UBE2G1: variants seen among roughly 807,000 people sequenced by gnomAD.
UBE2G1 encodes ubiquitin-conjugating enzyme E2 G1.
In UBE2G1, 5 loss-of-function variants were observed where a neutral mutation model predicts 22.7. The observed-to-expected ratio is 0.22, with a 90% CI of 0.12 to 0.46. UBE2G1 has a LOEUF of 0.46. Ranked by LOEUF, UBE2G1 falls within the 20% of genes least tolerant of loss-of-function variation. The probability of loss-of-function intolerance (pLI) is 0.99; values close to 1 mark genes in which losing one functional copy is unlikely to be tolerated. For missense variants in UBE2G1, 88 were observed against 203.9 expected (o/e 0.43, Z 3.46); for synonymous variants, 74 against 67.5 (o/e 1.10, Z -0.47).
intron 1 of UBE2G1, among the ~76,000 whole-genome samples, chr17:4,321,382 T>C (rs1435770751): frequency 6.6e-6 from 1 of 152,032 alleles, no homozygotes; most frequent in African/African-American, 2.4e-5. Context: ...CTTCTGCCAC[T>C]GGCAATTTAT....
intron 3 of UBE2G1, among the ~76,000 whole-genome samples, chr17:4,294,596 T>A (rs1276632545): frequency 6.6e-6 from 1 of 152,178 alleles, no homozygotes; most frequent in Non-Finnish European, 1.5e-5. Context: ...CTTACATGTA[T>A]GTTTTCATCT....
intron 1 of UBE2G1, among the ~76,000 whole-genome samples, chr17:4,352,591 G>GTTAATTTT (rs1266361650): frequency 6.6e-6 from 1 of 152,108 alleles, no homozygotes; most frequent in East Asian, 1.9e-4. Flanking sequence ...AGAAAACAAT[G>GTTAATTTT]TTAATTTTTG....
At chr17:4,341,585 A>G (rs1969712742) in intron 1 of UBE2G1, among the ~76,000 whole-genome samples, 1 of 152,116 alleles carries the variant, frequency 6.6e-6, no homozygotes, top group Non-Finnish European at 1.5e-5. Context: ...CTTTACACAC[A>G]CACGCATGCA....
Position 4,270,988 on chromosome 17 carries a change from C to T in UBE2G1, c.*1566G>A, listed in dbSNP as rs747858656. The T allele has an allele frequency of 2.0e-5, 3 of 152,206 alleles. No individual in the cohort carries two copies. Among genetic ancestry groups the T allele is most frequent in the Non-Finnish European group, 4.4e-5 (3 of 68,044 alleles). 9.4% of individuals were successfully genotyped at this position (152,206 alleles called of 1,614,324 possible). ...ATTCTCACTGATTCTCACAATCAAA[C>T]ACCATGTCCCATCTGCTACTGTCTC... is the stretch of plus-strand genomic sequence containing the variant. On this transcript the variant is annotated 3_prime_UTR_variant, in exon 6 of 6. Transcript: ENST00000396981.
chr17:4,300,301 G>C (rs889193009), intron 2 of UBE2G1, among the ~76,000 whole-genome samples: 4 of 152,094 alleles, frequency 2.6e-5, no homozygotes, highest in African/African-American at 9.7e-5. Flanking sequence ...CCAGCACTTT[G>C]GGAGGCTGAG....
chr17:4,277,284 C>G (rs1308044847), intron 5 of UBE2G1, among the ~76,000 whole-genome samples: 1 of 152,204 alleles, frequency 6.6e-6, no homozygotes, highest in African/African-American at 2.4e-5. Context: ...CCGGAGTCAA[C>G]CAAGCCACAC....
At chr17:4,284,136 G>A (rs1295711360) in intron 4 of UBE2G1, among the ~76,000 whole-genome samples, 10 of 136,962 alleles carry the variant, frequency 7.3e-5, no homozygotes, top group South Asian at 2.4e-4. Context: ...CAGCCTGAGC[G>A]ACAGAGCGAG....
chr17:4,315,644 G>A (rs1301983208), intron 1 of UBE2G1, among the ~76,000 whole-genome samples: 7 of 151,070 alleles, frequency 4.6e-5, no homozygotes, highest in Non-Finnish European at 5.9e-5. Context: ...GGAGGCTGAG[G>A]CAGGAGAATG....
chr17:4,329,963 A>C (rs1428109083), intron 1 of UBE2G1, among the ~76,000 whole-genome samples: 2 of 152,216 alleles, frequency 1.3e-5, no homozygotes, highest in African/African-American at 4.8e-5. Flanking sequence ...ACAATTCATG[A>C]CTCACCAGGA....
intron 1 of UBE2G1, among the ~76,000 whole-genome samples, chr17:4,336,529 C>G (rs1969649795): frequency 6.6e-6 from 1 of 151,906 alleles, no homozygotes; most frequent in Non-Finnish European, 1.5e-5. Context: ...TATATAGTTA[C>G]AACAAAAACT....
chr17:4,298,229 G>C (rs368888126), intron 2 of UBE2G1, among the ~76,000 whole-genome samples: 6 of 152,186 alleles, frequency 3.9e-5, no homozygotes, highest in Non-Finnish European at 8.8e-5. Context: ...AGAGGCTGAG[G>C]GGGGAAGGAT....
intron 1 of UBE2G1, among the ~76,000 whole-genome samples, chr17:4,325,113 C>CAA (rs879457194): frequency 7.0e-6 from 1 of 142,500 alleles, no homozygotes. Flanking sequence ...AAACAAAAAA[C>CAA]AAAAAAAAAA....
intron 1 of UBE2G1, among the ~76,000 whole-genome samples, chr17:4,353,347 A>G (rs1392059566): frequency 6.6e-6 from 1 of 152,030 alleles, no homozygotes; most frequent in African/African-American, 2.4e-5. Context: ...AAGAAGGGGG[A>G]AGAATGTGTA....
intron 1 of UBE2G1, among the ~76,000 whole-genome samples, chr17:4,338,181 A>G (rs1969671339): frequency 6.6e-6 from 1 of 152,074 alleles, no homozygotes; most frequent in Admixed American, 6.6e-5. Flanking sequence ...AAAAAAAAAA[A>G]ACGAAAACAA....
intron 1 of UBE2G1, among the ~76,000 whole-genome samples, chr17:4,357,721 C>T (rs867626656): frequency 6.6e-6 from 1 of 151,970 alleles, no homozygotes; most frequent in African/African-American, 2.4e-5. Context: ...GTGCCAAGAC[C>T]ACCCATAAAG....
chr17:4,349,842 CAAA>C (rs11410197), intron 1 of UBE2G1, among the ~76,000 whole-genome samples: 1 of 133,066 alleles, frequency 7.5e-6, no homozygotes, highest in East Asian at 2.3e-4. Flanking sequence ...GATTCCGTCT[CAAA>C]AAAAAAAAAA....
At chr17:4,351,797 A>G (rs995762914) in intron 1 of UBE2G1, among the ~76,000 whole-genome samples, 1 of 152,210 alleles carries the variant, frequency 6.6e-6, no homozygotes, top group Admixed American at 6.5e-5. Context: ...CCTCGGAATA[A>G]CACTCCTCTC....
intron 4 of UBE2G1, among the ~76,000 whole-genome samples, chr17:4,288,369 G>GGCGCCCGCCACC (rs1385758765): frequency 6.6e-6 from 1 of 152,038 alleles, no homozygotes; most frequent in Non-Finnish European, 1.5e-5. Context: ...TGGGACTATA[G>GGCGCCCGCCACC]GCGCCCGCCA....
chr17:4,366,191 G>T (rs1432898330), intron 1 of UBE2G1, 80 bp downstream of exon 1: 3 of 1,426,926 alleles, frequency 2.1e-6, no homozygotes, highest in Non-Finnish European at 2.8e-6. Flanking sequence ...ACGGCCGCTG[G>T]CCCGGGAGGA....
Sources: gnomAD v4.1 joint callset for allele counts (sites outside exome capture counted in the v4.1 genomes callset) on GRCh38, gnomAD v4.1.1 for gene constraint, MANE v1.5 for transcripts, NCBI Gene and HGNC (gene_info 2026-07-23, HGNC 2026-07-21) for gene names.